Variants in GRAMD1A observed in about 807,000 individuals in gnomAD.
GRAMD1A encodes GRAM domain containing 1A, also known as protein Aster-A.
A neutral mutation model predicts 92.0 loss-of-function variants in GRAMD1A; 50 were observed. The observed-to-expected ratio is 0.54, with a 90% CI of 0.43 to 0.69. GRAMD1A has a LOEUF of 0.69. Ranked by LOEUF, GRAMD1A falls within the 30% of genes least tolerant of loss-of-function variation. The probability of loss-of-function intolerance (pLI) is 0.00; values close to 1 mark genes in which losing one functional copy is unlikely to be tolerated. For synonymous variants in GRAMD1A, 405 were observed against 403.6 expected (o/e 1.00, Z -0.04); for missense variants, 819 against 978.9 (o/e 0.84, Z 2.18).
Position 35,000,671 on chromosome 19 carries a change from G to A in GRAMD1A, c.8+185G>A, listed in dbSNP as rs938668533. On this transcript the variant is annotated intron_variant, in intron 1 of 19. Transcript: ENST00000317991. This position sits in a 1 kb window ranked among gnomAD's most constrained non-coding sequence, Gnocchi z 4.9. The stretch of plus-strand genomic sequence containing the variant: ...AGGGGGCCCCCGGGCGAGGGGTGCA[G>A]CTGGGGAGTGGGGCGCGGACGCAGG... Among the ~76,000 whole-genome samples the A allele has an allele frequency of 1.3e-5, 2 of 151,820 alleles. No individual in the cohort carries two copies. The highest frequency in any genetic ancestry group is 1.5e-5 in the Non-Finnish European group (1 of 67,890).
chr19:34,997,699 G>A (rs2014098601), upstream of GRAMD1A, among the ~76,000 whole-genome samples: 1 of 152,172 alleles, frequency 6.6e-6, no homozygotes, highest in South Asian at 2.1e-4. Context: ...GCCTAATCGT[G>A]TATCTTTTTA....
chr19:35,016,813 G>A lies in GRAMD1A; in HGVS notation c.1213+846G>A, dbSNP rs946949818. On this transcript the variant is annotated intron_variant, in intron 11 of 19. Transcript: ENST00000317991. ...CCAGCTACTCAGGAGGCTAAGGCAGGAGAATCACTTGAACTCGGGAAGCAG... is the reference window on the plus strand; with the variant it reads ...CCAGCTACTCAGGAGGCTAAGGCAGAAGAATCACTTGAACTCGGGAAGCAG... Among the ~76,000 whole-genome samples, 3 of 150,954 alleles carry A rather than the reference G, an allele frequency of 2.0e-5. No individual in the cohort carries two copies. The East Asian group carries it at 5.9e-4, about 29-fold the overall frequency.
At chr19:35,022,984 C>T in intron 17 of GRAMD1A, 73 bp downstream of exon 17, 9 of 1,205,338 alleles carry the variant, frequency 7.5e-6, no homozygotes, top group African/African-American at 3.0e-5. Flanking sequence ...TCTCCCCACC[C>T]CATGCCCCCC....
At chr19:35,008,734 T>C (rs1600289051) in intron 1 of GRAMD1A, among the ~76,000 whole-genome samples, 1 of 152,128 alleles carries the variant, frequency 6.6e-6, no homozygotes, top group African/African-American at 2.4e-5. Context: ...GGAGAATCAG[T>C]TGAACCCAGG....
At chr19:34,996,053 G>T, upstream of GRAMD1A, 2 of 1,535,816 alleles carry the variant, frequency 1.3e-6, no homozygotes, top group Non-Finnish European at 1.7e-6. Flanking sequence ...GATGCCTTGG[G>T]AGACCCTGTT....
At chr19:34,995,586 T>TTG (rs1223013012), upstream of GRAMD1A, among the ~76,000 whole-genome samples, 1 of 144,134 alleles carries the variant, frequency 6.9e-6, no homozygotes, top group African/African-American at 2.6e-5. Context: ...TTTTTTTTTT[T>TTG]TTTTTTTTTT....
intron 10 of GRAMD1A, chr19:35,015,157 C>CGA (rs2015534693): frequency 6.6e-6 from 1 of 152,432 alleles, no homozygotes. Flanking sequence ...AGCAACAGAG[C>CGA]GAGACCCTGT....
Position 35,021,452 on chromosome 19 carries a change from C to G in GRAMD1A, c.1476-50C>G, listed in dbSNP as rs368170004. On this transcript the variant is annotated intron_variant, in intron 13 of 19. Coordinates refer to ENST00000317991, the MANE Select transcript of GRAMD1A (RefSeq NM_020895.5). This position sits in a 1 kb window ranked among gnomAD's most constrained non-coding sequence, Gnocchi z 5.3. ...AACTCAGCTTGTGGGACGGGGCAGC[C>G]AGGGCTGGAGTCAGACCCTTACCTC... 1.9e-4 allele frequency: 264 copies of G among 1,367,648 alleles called. No homozygotes were observed. Among genetic ancestry groups the G allele is most frequent in the Admixed American group, 2.5e-4 (15 of 59,588 alleles). The allele number at this position is 1,367,648 out of a possible 1,614,324, so 84.7% of individuals were successfully genotyped here.
intron 11 of GRAMD1A, 101 bp from the exon 12 acceptor site, chr19:35,019,088 TGG>T: frequency 1.3e-6 from 1 of 747,682 alleles, no homozygotes; most frequent in Non-Finnish European, 2.3e-6. Context: ...TGGTGGGGAT[TGG>T]GACAGGTCCC....
At position 35,023,251 on chromosome 19, in the gene GRAMD1A, C is replaced by A. The variant is rs751797022; in HGVS notation, c.1869C>A (p.Ile623=). The change falls in exon 18 of 20, where the codon ATC becomes ATA. Residue 623 remains isoleucine, a synonymous_variant. Transcript: ENST00000317991. ...IVICVSLIIL[I]ALNVLLFYRL... ...CTGTCCCCAGCCTTATCATCCTCAT[C>A]GCCCTCAACGTCCTGCTCTTCTACC... The A allele has an allele frequency of 6.2e-7, 1 of 1,613,732 alleles. No individual in the cohort carries two copies. Among genetic ancestry groups the A allele is most frequent in the Non-Finnish European group, 8.5e-7 (1 of 1,179,582 alleles).
At position 35,021,322 on chromosome 19, in the gene GRAMD1A, G is replaced by T. The variant is rs966344445; in HGVS notation, c.1476-180G>T. ...GGCTGAGTTGGCTGGCATTTGGGCTGGGCGGGTGGTGTATGGGGTATCCAG... is the reference window on the plus strand; with the variant it reads ...GGCTGAGTTGGCTGGCATTTGGGCTTGGCGGGTGGTGTATGGGGTATCCAG... On this transcript the variant is annotated intron_variant, in intron 13 of 19. Coordinates refer to ENST00000317991, the MANE Select transcript of GRAMD1A (RefSeq NM_020895.5). The surrounding 1 kb of genome is among the most constrained non-coding windows in gnomAD (Gnocchi z 5.3). Among the ~76,000 whole-genome samples the T allele has an allele frequency of 6.6e-6, 1 of 152,194 alleles. No homozygotes were observed. The highest frequency in any genetic ancestry group is 2.4e-5 in the African/African-American group (1 of 41,448).
intron 6 of GRAMD1A, among the ~76,000 whole-genome samples, chr19:35,011,041 G>A (rs1159935751): frequency 6.8e-6 from 1 of 147,388 alleles, no homozygotes; most frequent in Non-Finnish European, 1.5e-5. Context: ...GGTTGAGGCT[G>A]CAGTGAGCCG....
chr19:35,010,576 T>C (rs2015162926), intron 6 of GRAMD1A, 197 bp downstream of exon 6: 2 of 604,346 alleles, frequency 3.3e-6, no homozygotes, highest in Non-Finnish European at 5.9e-6. Context: ...CTGCAACCTG[T>C]TACCTCACAC....
At chr19:34,999,963 C>T (rs1361927369), upstream of GRAMD1A, 11 of 983,936 alleles carry the variant, frequency 1.1e-5, no homozygotes, top group East Asian at 2.3e-4. Flanking sequence ...AGTCCTCCCC[C>T]ACCTTCGCCC....
rs2016194739 is a variant in GRAMD1A, at chr19:35,023,170, T to C, written c.1854-66T>C. 4 of 1,105,130 alleles carry C rather than the reference T, an allele frequency of 3.6e-6. No homozygotes were observed. In the East Asian group the frequency reaches 9.4e-5, roughly 26 times the overall value. The allele number at this position is 1,105,130 out of a possible 1,614,324, so 68.5% of individuals were successfully genotyped here. On this transcript the variant is annotated intron_variant, in intron 17 of 19. Transcript: ENST00000317991. ...GGGATAGAGGTGTCCCTACAAGATGTAGTTGTTTGGGGGTGTTCAGAGCAT... is the reference window on the plus strand; with the variant it reads ...GGGATAGAGGTGTCCCTACAAGATGCAGTTGTTTGGGGGTGTTCAGAGCAT...
intron 6 of GRAMD1A, among the ~76,000 whole-genome samples, chr19:35,011,259 G>A (rs2015216551): frequency 6.6e-6 from 1 of 152,188 alleles, no homozygotes; most frequent in Non-Finnish European, 1.5e-5. Flanking sequence ...CCAAGGACAG[G>A]GCCAGGGGTC....
At chr19:35,011,640 G>C in intron 7 of GRAMD1A, 86 bp downstream of exon 7, 1 of 935,228 alleles carries the variant, frequency 1.1e-6, no homozygotes, top group Non-Finnish European at 1.7e-6. Context: ...GGAGCTGGAG[G>C]CAGCCCTGGC....
chr19:35,019,194 T>C lies in GRAMD1A; in HGVS notation c.1217T>C (p.Val406Ala). 1 of 1,604,014 alleles carries C rather than the reference T, an allele frequency of 6.2e-7. No individual in the cohort carries two copies. Among genetic ancestry groups the C allele is most frequent in the South Asian group, 1.1e-5 (1 of 90,562 alleles). ...GFLQQCKFTD[V>A]TLSPWSGDSK... is the part of the protein sequence containing the mutation. Reference sequence around the variant, plus strand: ...ATGCTGCTCCTCCCTCCTCTAGACGTGACGCTGAGCCCCTGGAGTGGGGAC... The same window carrying C: ...ATGCTGCTCCTCCCTCCTCTAGACGCGACGCTGAGCCCCTGGAGTGGGGAC... Residue 406 changes from valine (V) to alanine (A), a missense_variant, in exon 12 of 20, where the codon GTG (valine) becomes GCG (alanine). Around this residue, in one of 3 missense-constraint regions of GRAMD1A, gnomAD observed 577 missense variants for 674.6 expected, o/e 0.86. Transcript: ENST00000317991.
chr19:35,009,994 C>A, intron 4 of GRAMD1A, 22 bp downstream of exon 4: 1 of 1,579,696 alleles, frequency 6.3e-7, no homozygotes, highest in Non-Finnish European at 8.7e-7. Context: ...ACCCCCAGTC[C>A]CAGCTCCTAG....
Sources: gnomAD v4.1 joint callset for allele counts (sites outside exome capture counted in the v4.1 genomes callset) on GRCh38, gnomAD v4.1.1 for gene constraint, gnomAD v4.1.1 regional missense constraint, Gnocchi (gnomAD v3.1) non-coding constraint, MANE v1.5 for transcripts, NCBI Gene and HGNC (gene_info 2026-07-23, HGNC 2026-07-21) for gene names.